Variants in PABPC1L observed in about 807,000 individuals in gnomAD.
PABPC1L encodes polyadenylate-binding protein 1-like.
Under a neutral mutation model 66.6 loss-of-function variants are expected in PABPC1L, and 31 were observed. That is an observed-to-expected ratio of 0.47 (90% CI 0.35 to 0.63). The LOEUF (loss-of-function observed/expected upper bound fraction) is 0.63. Ranked by LOEUF, PABPC1L falls within the 20% of genes least tolerant of loss-of-function variation. The pLI, the probability that PABPC1L is intolerant of heterozygous loss-of-function variation, is 0.00. For synonymous variants in PABPC1L, 348 were observed against 335.1 expected (o/e 1.04, Z -0.42); for missense variants, 722 against 848.8 (o/e 0.85, Z 1.86).
chr20:44,938,791 T>C (rs1456975548), intron 14 of PABPC1L, 43 bp downstream of exon 14: 1 of 1,572,926 alleles, frequency 6.4e-7, no homozygotes, highest in East Asian at 2.3e-5. Flanking sequence ...CGGGAGAAGC[T>C]GTAAGGAAAT....
Position 44,933,109 on chromosome 20 carries a change from C to T in PABPC1L, c.1383C>T (p.Arg461=), listed in dbSNP as rs766468297. The T allele has an allele frequency of 1.9e-6, 3 of 1,605,180 alleles. No individual in the cohort carries two copies. In the Admixed American group the frequency reaches 5.1e-5, roughly 27 times the overall value. The change falls in exon 10 of 15, where the codon CGC becomes CGT. Residue 461 remains arginine (R), a synonymous_variant. Coordinates refer to ENST00000217073, the MANE Select transcript of PABPC1L (RefSeq NM_001372179.1). The part of the protein sequence containing the change: ...SMVRPPVVPR[R]PPAHISSVRQ... Reference sequence around the variant, plus strand: ...TCCGGCCACCAGTTGTGCCTCGGCGCCCCCCGGCCCACATCAGCAGTGTCA... The same window carrying T: ...TCCGGCCACCAGTTGTGCCTCGGCGTCCCCCGGCCCACATCAGCAGTGTCA...
Position 44,910,169 on chromosome 20 carries a change from C to G in PABPC1L, c.26C>G (p.Pro9Arg), listed in dbSNP as rs1601103416. The G allele has an allele frequency of 6.4e-7, 1 of 1,574,722 alleles. No individual in the cohort carries two copies. The highest frequency in any genetic ancestry group is 8.6e-7 in the Non-Finnish European group (1 of 1,160,628). ...ATGAACGCCAGCGGTTCTGGCTACC[C>G]GCTTGCCTCGCTTTACGTGGGCGAT... MNASGSGY[P>R]LASLYVGDLH... Residue 9 changes from proline to arginine, a missense_variant, in exon 1 of 15, where the codon CCG becomes CGG. Around this residue, in one of 3 missense-constraint regions of PABPC1L, gnomAD observed 284 missense variants for 294.8 expected, o/e 0.96. Transcript: ENST00000217073.
intron 7 of PABPC1L, among the ~76,000 whole-genome samples, chr20:44,927,619 G>A (rs1444616723): frequency 1.3e-5 from 2 of 152,170 alleles, no homozygotes; most frequent in African/African-American, 4.8e-5. Flanking sequence ...AAAGTGCTAG[G>A]ATTACAGGCG....
At chr20:44,935,303 T>C in intron 10 of PABPC1L, 88 bp from the exon 11 acceptor site, 1 of 916,992 alleles carries the variant, frequency 1.1e-6, no homozygotes, top group Non-Finnish European at 1.7e-6. Flanking sequence ...TGTTATTTTC[T>C]GTTTTGGTGT....
At chr20:44,913,322 A>T (rs2066717193) in intron 2 of PABPC1L, among the ~76,000 whole-genome samples, 1 of 151,944 alleles carries the variant, frequency 6.6e-6, no homozygotes, top group Non-Finnish European at 1.5e-5. Context: ...TGGTATTCTC[A>T]TGGCAATGGC....
intron 7 of PABPC1L, among the ~76,000 whole-genome samples, chr20:44,926,412 A>G (rs2066809783): frequency 6.6e-6 from 1 of 151,436 alleles, no homozygotes. Flanking sequence ...TTTTTAGTAG[A>G]GACGGGGTTT....
chr20:44,927,183 G>A (rs1041549390), intron 7 of PABPC1L, among the ~76,000 whole-genome samples: 25 of 151,982 alleles, frequency 1.6e-4, no homozygotes, highest in Non-Finnish European at 2.5e-4. Flanking sequence ...ACTGCATCTG[G>A]CCTGTATTTT....
intron 8 of PABPC1L, among the ~76,000 whole-genome samples, chr20:44,931,162 T>C (rs1296060346): frequency 3.2e-4 from 43 of 136,282 alleles, no homozygotes; most frequent in African/African-American, 1.0e-3. Context: ...CATGGCTCCT[T>C]CCTTCTTCCC....
chr20:44,924,815 G>T (rs1288239208), intron 7 of PABPC1L, among the ~76,000 whole-genome samples: 1 of 152,150 alleles, frequency 6.6e-6, no homozygotes, highest in African/African-American at 2.4e-5. Context: ...TCCGACCCTG[G>T]CTTCTCATTA....
chr20:44,937,008 G>A (rs1011577339), intron 12 of PABPC1L: 2 of 563,292 alleles, frequency 3.6e-6, no homozygotes, highest in Non-Finnish European at 7.0e-6. Context: ...GGGGAGATCA[G>A]GGGACAAAGG....
At chr20:44,931,063 C>CCCTG (rs2066853740) in intron 8 of PABPC1L, among the ~76,000 whole-genome samples, 1 of 46,060 alleles carries the variant, frequency 2.2e-5, no homozygotes, top group Non-Finnish European at 5.0e-5. Context: ...CCCTTCCCTT[C>CCCTG]CCTCCCTCCC....
chr20:44,926,790 G>T (rs2066812608), intron 7 of PABPC1L, among the ~76,000 whole-genome samples: 1 of 152,118 alleles, frequency 6.6e-6, no homozygotes, highest in Non-Finnish European at 1.5e-5. Flanking sequence ...CAGGTGATCT[G>T]CCCGCCTTGG....
chr20:44,924,732 G>A (rs1312043400), intron 7 of PABPC1L, among the ~76,000 whole-genome samples: 1 of 152,110 alleles, frequency 6.6e-6, no homozygotes, highest in Non-Finnish European at 1.5e-5. Context: ...GTGGCAACTG[G>A]CCCATCAGCA....
intron 4 of PABPC1L, 66 bp from the exon 5 acceptor site, chr20:44,919,117 G>C: frequency 6.2e-7 from 1 of 1,613,550 alleles, no homozygotes; most frequent in South Asian, 1.1e-5. Context: ...GTAGGGAGGA[G>C]GGGCTCTCCT....
rs772252248 is a variant in PABPC1L at position 44,910,111 on chromosome 20, T to C, written c.-33T>C. ...CGGGGCTGCTGGGTGACCCGGCTCC[T>C]GCTTGCCCCGCAGCCCCGGCCCCCT... On this transcript the variant is annotated 5_prime_UTR_variant, in exon 1 of 15. Transcript: ENST00000217073. 1.3e-5 allele frequency: 20 copies of C among 1,524,882 alleles called. No individual in the cohort carries two copies. The highest frequency in any genetic ancestry group is 1.8e-5 in the Non-Finnish European group (20 of 1,130,934). The allele number at this position is 1,524,882 out of a possible 1,614,324, so 94.5% of individuals were successfully genotyped here. A position where few individuals can be genotyped will look rare whatever the true frequency, so the allele number is the denominator to read the frequency against.
In PABPC1L at chr20:44,932,352, A is replaced by T; in HGVS notation, c.1250A>T (p.Gln417Leu). 4 of 1,612,870 alleles carry T rather than the reference A, an allele frequency of 2.5e-6. No individual in the cohort carries two copies. Among genetic ancestry groups the T allele is most frequent in the Non-Finnish European group, 3.4e-6 (4 of 1,179,206 alleles). Residue 417 changes from glutamine (Q) to leucine (L), a missense_variant, in exon 9 of 15, where the codon CAG (glutamine) becomes CTG (leucine). Transcript: ENST00000217073. ...TCTTTTCCCATGCAGCCTCCAGCCC[A>T]GGCTGCATACTATGGCTGTGGCCCA... The part of the protein sequence containing the change: ...FLPAMPQPPA[Q>L]AAYYGCGPVT...
rs374768688 is a variant in PABPC1L, at chr20:44,930,634, A to G, written c.1147A>G (p.Met383Val). ...ERKAILTNQY[M>V]QRLSTMRTLS... is the part of the protein sequence containing the mutation. ...GAAGGCCATCTTGACCAACCAGTAC[A>G]TGCAGCGCCTCTCCACCATGCGGAC... The change falls in exon 8 of 15, where the codon ATG (methionine) becomes GTG (valine). Residue 383 changes from methionine (M) to valine (V), a missense_variant. This residue lies in a region of PABPC1L where 301 missense variants were observed against 337.2 expected (regional missense o/e 0.89). Transcript: ENST00000217073. 12 of 1,614,082 alleles carry G rather than the reference A, an allele frequency of 7.4e-6. No individual in the cohort carries two copies. Among genetic ancestry groups the G allele is most frequent in the African/African-American group, 2.7e-5 (2 of 74,932 alleles).
At chr20:44,921,232 C>T (rs1266991310) in intron 5 of PABPC1L, among the ~76,000 whole-genome samples, 1 of 151,314 alleles carries the variant, frequency 6.6e-6, no homozygotes, top group African/African-American at 2.4e-5. Flanking sequence ...TCACCGCAAC[C>T]TCCACCTCCC....
intron 6 of PABPC1L, among the ~76,000 whole-genome samples, chr20:44,923,706 G>C (rs2066789723): frequency 6.6e-6 from 1 of 152,060 alleles, no homozygotes; most frequent in Non-Finnish European, 1.5e-5. Context: ...ACATGAGTAA[G>C]TGCCCGAGGT....
Sources: gnomAD v4.1 joint callset for allele counts (sites outside exome capture counted in the v4.1 genomes callset) on GRCh38, gnomAD v4.1.1 for gene constraint, gnomAD v4.1.1 regional missense constraint, MANE v1.5 for transcripts, NCBI Gene and HGNC (gene_info 2026-07-23, HGNC 2026-07-21) for gene names.